NRCAM: variants seen among roughly 807,000 people sequenced by gnomAD.
NRCAM encodes neuronal cell adhesion molecule, also known as NgCAM-related cell adhesion molecule.
NRCAM carries 83 observed loss-of-function variants against 156.5 expected under a neutral mutation model. The ratio of observed to expected loss-of-function variants is 0.53; its 90% CI spans 0.44 to 0.64. NRCAM has a LOEUF of 0.64. NRCAM is among the 30% of genes least tolerant of loss of function. The pLI, the probability that NRCAM is intolerant of heterozygous loss-of-function variation, is 0.00. For missense variants in NRCAM, 1,417 were observed against 1,597.3 expected, an observed-to-expected ratio of 0.89 and a Z score of 1.92; for synonymous variants, 538 against 563.9, an observed-to-expected ratio of 0.95 and a Z score of 0.65.
intron 3 of NRCAM, among the ~76,000 whole-genome samples, chr7:108,244,284 C>T (rs965378026): frequency 6.6e-6 from 1 of 152,008 alleles, no homozygotes; most frequent in Non-Finnish European, 1.5e-5. Flanking sequence ...AACAAATATG[C>T]TGATGTGACT....
At chr7:108,345,889 C>A (rs1036781593) in intron 2 of NRCAM, among the ~76,000 whole-genome samples, 2 of 152,226 alleles carry the variant, frequency 1.3e-5, no homozygotes, top group African/African-American at 2.4e-5. Context: ...AGGCCTAGAA[C>A]AATGGGTGTC....
chr7:108,200,298 T>C (rs2077268567), intron 13 of NRCAM, among the ~76,000 whole-genome samples: 1 of 152,210 alleles, frequency 6.6e-6, no homozygotes, highest in Non-Finnish European at 1.5e-5. Flanking sequence ...TATAGATTCG[T>C]TGATAAAAGA....
chr7:108,240,097 AT>A lies in NRCAM; in HGVS notation c.-34del. The A allele has an allele frequency of 6.9e-7, 1 of 1,452,956 alleles. No homozygotes were observed. The highest frequency in any genetic ancestry group is 9.6e-7 in the Non-Finnish European group (1 of 1,042,902). The allele number at this position is 1,452,956 out of a possible 1,614,324, so 90.0% of individuals were successfully genotyped here. A position where few individuals can be genotyped will look rare whatever the true frequency, so the allele number is the denominator to read the frequency against. On this transcript the variant is annotated 5_prime_UTR_variant, in exon 4 of 33. Coordinates refer to ENST00000379028, the MANE Select transcript of NRCAM (RefSeq NM_001037132.4). ...ACTCCTGCTGAGACTCACACACTGA[AT>A]TTCCTTTTCTTCTTTCACAAAAGAT...
chr7:108,268,619 T>C (rs1269660), intron 3 of NRCAM, among the ~76,000 whole-genome samples: 32,803 of 48,114 alleles, frequency 0.68, 10,157 homozygotes, highest in Non-Finnish European at 0.73. Context: ...GGGGCGGGGG[T>C]GGGGGTGGGG....
chr7:108,454,981 GCTCGGCGCCCTCC>G (rs1049676352), intron 1 of NRCAM, among the ~76,000 whole-genome samples: 9 of 152,206 alleles, frequency 5.9e-5, no homozygotes, highest in Admixed American at 2.6e-4. Flanking sequence ...AAACGCCACC[GCTCGGCGCCCTCC>G]CTCGGTGCCC....
intron 11 of NRCAM, among the ~76,000 whole-genome samples, chr7:108,222,934 C>T (rs978115947): frequency 6.6e-6 from 1 of 152,204 alleles, no homozygotes; most frequent in Admixed American, 6.5e-5. Flanking sequence ...GGCCTCCCTG[C>T]AACTCCTGTC....
intron 2 of NRCAM, among the ~76,000 whole-genome samples, chr7:108,353,705 A>T (rs2099449610): frequency 6.6e-6 from 1 of 152,256 alleles, no homozygotes; most frequent in African/African-American, 2.4e-5. Context: ...TTCTTATTTT[A>T]TGCTATGTCC....
At chr7:108,381,221 C>G (rs1277559956) in intron 2 of NRCAM, among the ~76,000 whole-genome samples, 1 of 152,148 alleles carries the variant, frequency 6.6e-6, no homozygotes, top group Non-Finnish European at 1.5e-5. Flanking sequence ...GCCTGTGTTA[C>G]TTTTACTGTC....
intron 18 of NRCAM, 22 bp from the exon 19 acceptor site, chr7:108,191,305 A>G: frequency 6.3e-7 from 1 of 1,575,676 alleles, no homozygotes; most frequent in Non-Finnish European, 8.7e-7. Flanking sequence ...ATTAATATAA[A>G]GGATTTTAAT....
chr7:108,308,636 CATT>C (rs2098754111), intron 3 of NRCAM, among the ~76,000 whole-genome samples: 1 of 152,198 alleles, frequency 6.6e-6, no homozygotes, highest in Non-Finnish European at 1.5e-5. Flanking sequence ...CTGTTTTCAT[CATT>C]GTCTCACTAT....
chr7:108,230,560 C>T (rs1016619413), intron 8 of NRCAM, among the ~76,000 whole-genome samples: 9 of 152,118 alleles, frequency 5.9e-5, no homozygotes, highest in Non-Finnish European at 1.2e-4. Context: ...CGCTCGGCTC[C>T]TTCATTAGTT....
chr7:108,432,076 G>C (rs1825935181), intron 1 of NRCAM, among the ~76,000 whole-genome samples: 1 of 152,210 alleles, frequency 6.6e-6, no homozygotes, highest in Non-Finnish European at 1.5e-5. Flanking sequence ...CAGGATTTTA[G>C]TGGACAGCCA....
intron 14 of NRCAM, among the ~76,000 whole-genome samples, chr7:108,197,080 G>C (rs747935750): frequency 1.3e-5 from 2 of 152,094 alleles, no homozygotes; most frequent in Non-Finnish European, 2.9e-5. Flanking sequence ...GATGAACCTG[G>C]AGGATGTTGT....
chr7:108,177,840 G>T, intron 26 of NRCAM, 150 bp downstream of exon 26: 1 of 537,422 alleles, frequency 1.9e-6, no homozygotes, highest in Non-Finnish European at 3.0e-6. Flanking sequence ...AAATATTTGA[G>T]AAGATGAATA....
intron 32 of NRCAM, among the ~76,000 whole-genome samples, chr7:108,157,069 A>G (rs560792727): frequency 5.3e-5 from 8 of 152,190 alleles, no homozygotes; most frequent in African/African-American, 1.9e-4. Flanking sequence ...TGCTTGTGGG[A>G]TTGTCCTTAT....
intron 3 of NRCAM, among the ~76,000 whole-genome samples, chr7:108,278,321 T>C (rs184100972): frequency 3.2e-4 from 48 of 152,318 alleles, no homozygotes; most frequent in African/African-American, 1.1e-3. Flanking sequence ...TGCTGCCTTT[T>C]GTTCAGATAT....
intron 3 of NRCAM, among the ~76,000 whole-genome samples, chr7:108,261,424 T>C (rs1267180963): frequency 6.6e-6 from 1 of 152,212 alleles, no homozygotes; most frequent in Non-Finnish European, 1.5e-5. Flanking sequence ...CTGACAGGTA[T>C]CATTTGGAGA....
rs569681693 is a variant in NRCAM, at chr7:108,270,287, A to T, written c.-106-30117T>A. Among the ~76,000 whole-genome samples the T allele has an allele frequency of 9.2e-5, 14 of 152,326 alleles. No individual in the cohort carries two copies. In the South Asian group the frequency reaches 1.2e-3, roughly 14 times the overall value. ...GAACTGGGCTTTAGGGTTTGCCATAAGAAAACTACCTAGTGATGCCTTTGC... is the reference window on the plus strand; with the variant it reads ...GAACTGGGCTTTAGGGTTTGCCATATGAAAACTACCTAGTGATGCCTTTGC... On this transcript the variant is annotated intron_variant, in intron 3 of 32. Coordinates refer to ENST00000379028, the MANE Select transcript of NRCAM (RefSeq NM_001037132.4).
At chr7:108,249,476 AT>A (rs1283873123) in intron 3 of NRCAM, among the ~76,000 whole-genome samples, 1 of 152,236 alleles carries the variant, frequency 6.6e-6, no homozygotes, top group East Asian at 1.9e-4. Flanking sequence ...GGTGCATTTA[AT>A]TTTCTTTATA....
Sources: gnomAD v4.1 joint callset for allele counts (sites outside exome capture counted in the v4.1 genomes callset) on GRCh38, gnomAD v4.1.1 for gene constraint, MANE v1.5 for transcripts, NCBI Gene and HGNC (gene_info 2026-07-23, HGNC 2026-07-21) for gene names.